RPS6KA5: variants seen among roughly 807,000 people sequenced by gnomAD.
RPS6KA5 encodes ribosomal protein S6 kinase A5, also known as ribosomal protein S6 kinase alpha-5.
RPS6KA5 carries 27 observed loss-of-function variants against 85.5 expected under a neutral mutation model. That is an observed-to-expected ratio of 0.32 (90% CI 0.23 to 0.44). The LOEUF (loss-of-function observed/expected upper bound fraction) is 0.44. Ranked by LOEUF, RPS6KA5 falls within the 20% of genes least tolerant of loss-of-function variation. RPS6KA5 has a pLI of 1.00. For missense variants in RPS6KA5, 811 were observed against 980.9 expected (o/e 0.83, Z 2.31); for synonymous variants, 334 against 348.2 (o/e 0.96, Z 0.46).
chr14:91,037,101 C>A (rs1021347170), intron 1 of RPS6KA5, among the ~76,000 whole-genome samples: 14 of 152,144 alleles, frequency 9.2e-5, no homozygotes, highest in African/African-American at 3.4e-4. Flanking sequence ...CTAATGGGGA[C>A]AGGAAAGAAC....
chr14:91,058,370 T>C (rs1393237599), intron 1 of RPS6KA5, among the ~76,000 whole-genome samples: 2 of 152,220 alleles, frequency 1.3e-5, no homozygotes, highest in Non-Finnish European at 2.9e-5. Context: ...GCAGTACTCA[T>C]TGTTTTCTAC....
Position 90,978,525 on chromosome 14 carries a change from C to A in RPS6KA5, c.176-1G>T. On this transcript the variant is annotated splice_acceptor_variant, in intron 2 of 16. Coordinates refer to ENST00000614987, the MANE Select transcript of RPS6KA5 (RefSeq NM_004755.4). LOFTEE classifies it high-confidence loss of function. ...CGAACTAGAAATACTTTTCCATAAG[C>A]TGAAAATGAAAAGAAAAAATAAAAA... 3 of 1,561,302 alleles carry A rather than the reference C, an allele frequency of 1.9e-6. No individual in the cohort carries two copies. The highest frequency in any genetic ancestry group is 1.7e-6 in the Non-Finnish European group (2 of 1,153,416).
rs145018197 is a variant in RPS6KA5, at chr14:91,054,884, A to T, written c.103+5448T>A. On this transcript the variant is annotated intron_variant, in intron 1 of 16. Transcript: ENST00000614987. ...AGACAGCTCATTTATGGAGGAAAAT[A>T]TATGCAAATCCATATTCCTGATAAG... Among the ~76,000 whole-genome samples, 17 of 152,254 alleles carry T rather than the reference A, an allele frequency of 1.1e-4. No homozygotes were observed. The East Asian group carries it at 3.3e-3, about 29-fold the overall frequency.
intron 14 of RPS6KA5, among the ~76,000 whole-genome samples, chr14:90,887,193 T>G (rs956683756): frequency 6.6e-6 from 1 of 152,140 alleles, no homozygotes. Context: ...AGGACTTTTG[T>G]TTTTTGGAGA....
At chr14:90,874,552 G>C (rs559858657) in intron 15 of RPS6KA5, among the ~76,000 whole-genome samples, 9 of 152,332 alleles carry the variant, frequency 5.9e-5, no homozygotes, top group African/African-American at 2.2e-4. Context: ...AGGCTAAGGA[G>C]TCTGACCTGA....
intron 3 of RPS6KA5, among the ~76,000 whole-genome samples, chr14:90,976,422 C>A (rs902435527): frequency 6.6e-6 from 1 of 152,086 alleles, no homozygotes; most frequent in African/African-American, 2.4e-5. Flanking sequence ...CCTGGAAATT[C>A]TAGGGTAAAG....
At position 90,872,443 on chromosome 14, in the gene RPS6KA5, G is replaced by A. The variant is rs1188459768; in HGVS notation, c.2161-121C>T. 3.2e-6 allele frequency: 4 copies of A among 1,262,748 alleles called. No homozygotes were observed. In the East Asian group the frequency reaches 7.5e-5, roughly 24 times the overall value. The allele number at this position is 1,262,748 out of a possible 1,614,324, so 78.2% of individuals were successfully genotyped here. A position where few individuals can be genotyped will look rare whatever the true frequency, so the allele number is the denominator to read the frequency against. ...AACTGCAGCCCCAAGTTGTTTTAAG[G>A]GAACAAAGCTCTTAAAACCTTTATA... On this transcript the variant is annotated intron_variant, in intron 16 of 16. Transcript: ENST00000614987.
At chr14:91,028,802 G>A (rs1169009822) in intron 1 of RPS6KA5, among the ~76,000 whole-genome samples, 1 of 152,200 alleles carries the variant, frequency 6.6e-6, no homozygotes, top group Non-Finnish European at 1.5e-5. Context: ...ACAGGCATGA[G>A]CCACTGCGCC....
chr14:91,001,011 T>C (rs1037571385), intron 2 of RPS6KA5, 77 bp downstream of exon 2: 23 of 799,894 alleles, frequency 2.9e-5, no homozygotes, highest in Non-Finnish European at 3.9e-5. Context: ...AATTTCTGTA[T>C]TGGGGATATC....
At chr14:91,036,767 G>T (rs1408250460) in intron 1 of RPS6KA5, among the ~76,000 whole-genome samples, 2 of 152,208 alleles carry the variant, frequency 1.3e-5, no homozygotes, top group African/African-American at 2.4e-5. Context: ...ACAAGGAAAA[G>T]AATTTCTCTA....
chr14:91,053,456 T>G (rs566948687), intron 1 of RPS6KA5, among the ~76,000 whole-genome samples: 12 of 152,214 alleles, frequency 7.9e-5, no homozygotes, highest in Admixed American at 2.0e-4. Flanking sequence ...AAATAGAAAA[T>G]CCTAAGGTGT....
rs11312699 is a variant in RPS6KA5, at chr14:90,885,741, CAAAAAAAAAAAAAAAAA to C, written c.1836+4729_1836+4745del. 1.4e-4 allele frequency among the ~76,000 whole-genome samples: 4 copies of C among 27,886 alleles called. No homozygotes were observed. In the East Asian group the frequency reaches 4.4e-3, roughly 31 times the overall value. The allele number at this position is 27,886 out of a possible 152,430, so 18.3% of individuals were successfully genotyped here. On this transcript the variant is annotated intron_variant, in intron 14 of 16. Transcript: ENST00000614987. ...TGGGTGACAGAGCAAGACTCCATCT[CAAAAAAAAAAAAAAAAA>C]AAAAAAAAAAAAAAAGAAAAAAGAA...
intron 1 of RPS6KA5, among the ~76,000 whole-genome samples, chr14:91,007,830 T>C (rs1595460035): frequency 6.6e-6 from 1 of 152,108 alleles, no homozygotes; most frequent in African/African-American, 2.4e-5. Context: ...AATAACTTTG[T>C]TGTTGTTTTC....
At chr14:91,050,514 C>T (rs989960899) in intron 1 of RPS6KA5, among the ~76,000 whole-genome samples, 7 of 152,156 alleles carry the variant, frequency 4.6e-5, no homozygotes, top group East Asian at 3.9e-4. Context: ...CTGCAACTTC[C>T]GCCTCCCAGG....
intron 1 of RPS6KA5, among the ~76,000 whole-genome samples, chr14:91,031,822 TAAGTAGACAGGCAGGGA>T (rs773954170): frequency 8.5e-5 from 13 of 152,166 alleles, no homozygotes; most frequent in Non-Finnish European, 1.5e-4. Context: ...ATAACTTCAT[TAAGTAGACAGGCAGGGA>T]AATAAAACAG....
intron 1 of RPS6KA5, among the ~76,000 whole-genome samples, chr14:91,024,556 T>A (rs1019920940): frequency 6.6e-6 from 1 of 152,222 alleles, no homozygotes; most frequent in Non-Finnish European, 1.5e-5. Context: ...GTTTAATGAA[T>A]GATAGAGAAA....
chr14:91,026,376 G>A (rs2041991272), intron 1 of RPS6KA5, among the ~76,000 whole-genome samples: 1 of 151,976 alleles, frequency 6.6e-6, no homozygotes, highest in Non-Finnish European at 1.5e-5. Context: ...GGCAATGGCT[G>A]TATACCACCA....
In RPS6KA5 at chr14:90,868,011, C is replaced by T. The variant is rs1341325746; in HGVS notation, c.*4063G>A. 2.0e-5 allele frequency: 3 copies of T among 152,132 alleles called. No individual in the cohort carries two copies. The highest frequency in any genetic ancestry group is 7.2e-5 in the African/African-American group (3 of 41,424). 9.4% of individuals were successfully genotyped at this position (152,132 alleles called of 1,614,324 possible). ...AGGTGAGGACAGAAGTGAGGCTAATCAAATGTTCTTAGCAAGATGTTGCCC... is the reference window on the plus strand; with the variant it reads ...AGGTGAGGACAGAAGTGAGGCTAATTAAATGTTCTTAGCAAGATGTTGCCC... On this transcript the variant is annotated 3_prime_UTR_variant, in exon 17 of 17. Coordinates refer to ENST00000614987, the MANE Select transcript of RPS6KA5 (RefSeq NM_004755.4).
rs767418677 is a variant in RPS6KA5, at chr14:90,854,705, A to C, written c.*17369T>G. On this transcript the variant is annotated 3_prime_UTR_variant, in exon 17 of 17. Transcript: ENST00000614987. ...ATACTATACTTACTACAAATACATT[A>C]TCTTCTAAGCCCATTCTTATTTTTA... 4 of 152,186 alleles carry C rather than the reference A, an allele frequency of 2.6e-5. No homozygotes were observed. Among genetic ancestry groups the C allele is most frequent in the Admixed American group, 2.6e-4 (4 of 15,278 alleles). The allele number at this position is 152,186 out of a possible 1,614,324, so 9.4% of individuals were successfully genotyped here.
Sources: allele counts gnomAD v4.1 joint callset (sites outside exome capture counted in the v4.1 genomes callset), GRCh38; gene constraint gnomAD v4.1.1; transcripts MANE v1.5; gene names NCBI Gene and HGNC (gene_info 2026-07-23, HGNC 2026-07-21).